The following RAB6A variants were observed in gnomAD, a reference collection of about 807,000 sequenced individuals.
RAB6A encodes the protein ras-related protein Rab-6A.
A neutral mutation model predicts 32.3 loss-of-function variants in RAB6A; 8 were observed. The ratio of observed to expected loss-of-function variants is 0.25; its 90% CI spans 0.15 to 0.45. The LOEUF (loss-of-function observed/expected upper bound fraction) is 0.45. RAB6A is among the 20% of genes least tolerant of loss of function. The pLI is 1.00. For synonymous variants in RAB6A, 73 were observed against 82.1 expected, an observed-to-expected ratio of 0.89 and a Z score of 0.60; for missense variants, 104 against 249.4, an observed-to-expected ratio of 0.42 and a Z score of 3.93.
At chr11:73,753,142 C>T (rs1206417592) in intron 1 of RAB6A, among the ~76,000 whole-genome samples, 1 of 151,938 alleles carries the variant, frequency 6.6e-6, no homozygotes, top group African/African-American at 2.4e-5. Flanking sequence ...CCCAACAGCT[C>T]CAGAGGCTGA....
At chr11:73,692,085 T>C (rs1394194069) in intron 6 of RAB6A, among the ~76,000 whole-genome samples, 1 of 152,126 alleles carries the variant, frequency 6.6e-6, no homozygotes, top group Non-Finnish European at 1.5e-5. Flanking sequence ...TCTTTGGGTA[T>C]AACTATCCAC....
At chr11:73,680,663 G>C (rs573167627) in intron 6 of RAB6A, among the ~76,000 whole-genome samples, 1 of 152,006 alleles carries the variant, frequency 6.6e-6, no homozygotes, top group African/African-American at 2.4e-5. Context: ...GCGGGGGTGT[G>C]GGGGGGAGAG....
chr11:73,691,985 A>G (rs1164435731), intron 6 of RAB6A, among the ~76,000 whole-genome samples: 1 of 152,066 alleles, frequency 6.6e-6, no homozygotes, highest in East Asian at 1.9e-4. Context: ...CAAAAAAAAA[A>G]GAAAGCAAAA....
chr11:73,708,948 A>G (rs1590848343), intron 5 of RAB6A, among the ~76,000 whole-genome samples: 4 of 152,300 alleles, frequency 2.6e-5, no homozygotes, highest in Admixed American at 2.6e-4. Flanking sequence ...AAACAAGAAC[A>G]TTCTCTTACA....
intron 1 of RAB6A, among the ~76,000 whole-genome samples, chr11:73,733,729 T>C (rs1042906654): frequency 6.6e-6 from 1 of 152,048 alleles, no homozygotes; most frequent in African/African-American, 2.4e-5. Flanking sequence ...ATATATACTC[T>C]GTAATTCTAT....
At chr11:73,679,508 C>T in intron 7 of RAB6A, 146 bp downstream of exon 7, 1 of 967,698 alleles carries the variant, frequency 1.0e-6, no homozygotes, top group Non-Finnish European at 1.5e-6. Context: ...ACCTCATTTG[C>T]TATAGAAAAC....
At chr11:73,683,964 CA>C (rs1590820981) in intron 6 of RAB6A, among the ~76,000 whole-genome samples, 1 of 152,158 alleles carries the variant, frequency 6.6e-6, no homozygotes, top group Non-Finnish European at 1.5e-5. Context: ...CAGAAAACTA[CA>C]TTGTATTAAT....
chr11:73,688,212 AT>A (rs1945490882), intron 6 of RAB6A, among the ~76,000 whole-genome samples: 1 of 152,198 alleles, frequency 6.6e-6, no homozygotes, highest in Admixed American at 6.5e-5. Flanking sequence ...TTTAATACCA[AT>A]TGGTGATTTT....
chr11:73,694,578 G>C (rs562298646), intron 6 of RAB6A, among the ~76,000 whole-genome samples: 1 of 152,030 alleles, frequency 6.6e-6, no homozygotes, highest in East Asian at 1.9e-4. Flanking sequence ...ATTTTTTTAC[G>C]ACAAAAATTT....
intron 6 of RAB6A, among the ~76,000 whole-genome samples, chr11:73,684,133 A>G (rs1270388753): frequency 6.6e-6 from 1 of 151,526 alleles, no homozygotes; most frequent in African/African-American, 2.4e-5. Flanking sequence ...TTTTTTAGTA[A>G]TAAAGTATTT....
chr11:73,759,957 G>T (rs1590902811), intron 1 of RAB6A: 6 of 1,069,300 alleles, frequency 5.6e-6, no homozygotes, highest in Non-Finnish European at 7.5e-6. Context: ...TGCTCAAGTC[G>T]TCTCCAATTC....
At chr11:73,727,495 A>T (rs1282224297) in intron 2 of RAB6A, among the ~76,000 whole-genome samples, 1 of 152,042 alleles carries the variant, frequency 6.6e-6, no homozygotes, top group Non-Finnish European at 1.5e-5. Context: ...AGGGATTATG[A>T]TTCTCACTTT....
chr11:73,710,795 T>C (rs1247495564), intron 5 of RAB6A, among the ~76,000 whole-genome samples: 1 of 150,986 alleles, frequency 6.6e-6, no homozygotes, highest in African/African-American at 2.4e-5. Context: ...CTGTTGCACA[T>C]ATAAGTGCGG....
At chr11:73,720,389 C>T (rs1018414892) in intron 3 of RAB6A, among the ~76,000 whole-genome samples, 7 of 151,822 alleles carry the variant, frequency 4.6e-5, no homozygotes, top group Non-Finnish European at 1.0e-4. Flanking sequence ...ATCATGTTGG[C>T]CAAGCTGGTC....
At chr11:73,688,496 C>T (rs963999497) in intron 6 of RAB6A, among the ~76,000 whole-genome samples, 10 of 152,160 alleles carry the variant, frequency 6.6e-5, no homozygotes, top group Non-Finnish European at 1.3e-4. Flanking sequence ...GTGTCCATCA[C>T]GTTCTGGCTC....
chr11:73,707,399 G>A, intron 6 of RAB6A, 21 bp downstream of exon 6: 1 of 1,530,810 alleles, frequency 6.5e-7, no homozygotes, highest in Non-Finnish European at 9.0e-7. Flanking sequence ...TTTTCAATTT[G>A]GTAACCTCAA....
chr11:73,754,769 A>T (rs966814853), intron 1 of RAB6A, among the ~76,000 whole-genome samples: 2 of 151,940 alleles, frequency 1.3e-5, no homozygotes, highest in Admixed American at 6.6e-5. Flanking sequence ...AAAGTCAAAA[A>T]ATTAGCCAGG....
At chr11:73,755,944 G>A (rs184710063) in intron 1 of RAB6A, among the ~76,000 whole-genome samples, 1 of 151,622 alleles carries the variant, frequency 6.6e-6, no homozygotes, top group Non-Finnish European at 1.5e-5. Flanking sequence ...GGAGGAAGAA[G>A]AACAACAATA....
intron 1 of RAB6A, among the ~76,000 whole-genome samples, chr11:73,735,834 A>G (rs995244609): frequency 1.3e-5 from 2 of 151,710 alleles, no homozygotes; most frequent in African/African-American, 4.8e-5. Context: ...TTTGCTGCTA[A>G]TATCAAACCT....
Sources: allele counts gnomAD v4.1 joint callset (sites outside exome capture counted in the v4.1 genomes callset), GRCh38; gene constraint gnomAD v4.1.1; transcripts MANE v1.5; gene names NCBI Gene and HGNC (gene_info 2026-07-23, HGNC 2026-07-21).